The following AP2A2 variants were observed in gnomAD, a reference collection of about 807,000 sequenced individuals.
AP2A2 encodes the protein AP-2 complex subunit alpha-2.
A neutral mutation model predicts 104.2 loss-of-function variants in AP2A2; 32 were observed. That is an observed-to-expected ratio of 0.31 (90% confidence interval 0.23 to 0.41). The LOEUF (loss-of-function observed/expected upper bound fraction) is 0.41, where lower values mean the gene tolerates loss of function less well. Among genes scored for constraint, AP2A2 ranks in the 10% least tolerant of loss-of-function variants. AP2A2 has a pLI of 1.00. For missense variants in AP2A2, 912 were observed against 1,261.0 expected, an observed-to-expected ratio of 0.72 and a Z score of 4.19; for synonymous variants, 539 against 533.3, an observed-to-expected ratio of 1.01 and a Z score of -0.15.
chr11:965,706 G>T (rs992276104), intron 2 of AP2A2, among the ~76,000 whole-genome samples: 1 of 152,248 alleles, frequency 6.6e-6, no homozygotes, highest in African/African-American at 2.4e-5. Flanking sequence ...GCATGGGCAA[G>T]AAATCAGTGC....
chr11:964,772 A>G (rs956718966), intron 2 of AP2A2, among the ~76,000 whole-genome samples: 8 of 152,236 alleles, frequency 5.3e-5, no homozygotes, highest in Non-Finnish European at 1.2e-4. Flanking sequence ...GTTAAAGGAA[A>G]TGCCAAAGGA....
chr11:1,008,152 C>G lies in AP2A2; in HGVS notation c.2420+17C>G, dbSNP rs746878364. The G allele has an allele frequency of 2.5e-6, 4 of 1,584,232 alleles. No individual in the cohort carries two copies. The highest frequency in any genetic ancestry group is 1.7e-6 in the Non-Finnish European group (2 of 1,164,656). On this transcript the variant is annotated intron_variant, in intron 18 of 21. Coordinates refer to ENST00000448903, the MANE Select transcript of AP2A2 (RefSeq NM_012305.4). Reference sequence around the variant, plus strand: ...TCAGTTCAGGTAAGAGCCGCCTGTGCGCCCCGGGCCAAGGGGTGTGTGGGC... The same window carrying G: ...TCAGTTCAGGTAAGAGCCGCCTGTGGGCCCCGGGCCAAGGGGTGTGTGGGC...
At chr11:977,384 G>A (rs1032892933) in intron 5 of AP2A2, among the ~76,000 whole-genome samples, 160 bp downstream of exon 5, 1 of 151,918 alleles carries the variant, frequency 6.6e-6, no homozygotes, top group African/African-American at 2.4e-5. Flanking sequence ...TCCTGGGGCT[G>A]GATGAGTAAG....
chr11:958,581 T>C (rs1340284758), intron 1 of AP2A2, among the ~76,000 whole-genome samples: 1 of 152,178 alleles, frequency 6.6e-6, no homozygotes. Flanking sequence ...TATCAACAGA[T>C]AGACTGAATA....
intron 4 of AP2A2, among the ~76,000 whole-genome samples, chr11:974,899 C>T (rs539799997): frequency 1.8e-3 from 275 of 152,256 alleles, no homozygotes; most frequent in African/African-American, 6.3e-3. Flanking sequence ...GCAGGAGAAT[C>T]GCTTGAACCC....
chr11:933,246 C>T (rs770736816), intron 1 of AP2A2, among the ~76,000 whole-genome samples: 2 of 151,996 alleles, frequency 1.3e-5, no homozygotes, highest in African/African-American at 2.4e-5. Context: ...ATAGCCAGGG[C>T]GACAAAGTAA....
Position 992,442 on chromosome 11 carries a change from G to A in AP2A2, c.1270-61G>A. On this transcript the variant is annotated intron_variant, in intron 10 of 21. Transcript: ENST00000448903. The surrounding 1 kb of genome is among the most constrained non-coding windows in gnomAD (Gnocchi z 6.4). ...ACTCTCACTTTGACTTTGGACGACAGTTTGGTCTTGGGATTGCCATGGCCT... is the reference window on the plus strand; with the variant it reads ...ACTCTCACTTTGACTTTGGACGACAATTTGGTCTTGGGATTGCCATGGCCT... 1 of 1,521,918 alleles carries A rather than the reference G, an allele frequency of 6.6e-7. No homozygotes were observed. The highest frequency in any genetic ancestry group is 8.9e-7 in the Non-Finnish European group (1 of 1,120,768). The allele number at this position is 1,521,918 out of a possible 1,614,324, so 94.3% of individuals were successfully genotyped here. A position where few individuals can be genotyped will look rare whatever the true frequency, so the allele number is the denominator to read the frequency against.
chr11:983,859 C>T (rs1855355523), intron 6 of AP2A2, among the ~76,000 whole-genome samples: 1 of 152,186 alleles, frequency 6.6e-6, no homozygotes, highest in Non-Finnish European at 1.5e-5. Flanking sequence ...GTGATTCTTG[C>T]CTTTTCCTGC....
In AP2A2 at chr11:992,803, C is replaced by A; in HGVS notation, c.1452+118C>A. On this transcript the variant is annotated intron_variant, in intron 11 of 21. Transcript: ENST00000448903. This position sits in a 1 kb window ranked among gnomAD's most constrained non-coding sequence, Gnocchi z 6.4. ...GAGGGCCGTTGCTGACCCCTCTTGC[C>A]CCTCAGCTCTTCCCTGAGGCTCTAG... 1 of 1,067,584 alleles carries A rather than the reference C, an allele frequency of 9.4e-7. No individual in the cohort carries two copies. Among genetic ancestry groups the A allele is most frequent in the Admixed American group, 2.0e-5 (1 of 49,484 alleles). 66.1% of individuals were successfully genotyped at this position (1,067,584 alleles called of 1,614,324 possible). A position where few individuals can be genotyped will look rare whatever the true frequency, so the allele number is the denominator to read the frequency against.
intron 1 of AP2A2, among the ~76,000 whole-genome samples, chr11:952,861 G>A (rs1854098000): frequency 1.3e-5 from 2 of 152,152 alleles, no homozygotes; most frequent in South Asian, 2.1e-4. Flanking sequence ...TTCCCGGCAC[G>A]GTGGGGTGGT....
intron 1 of AP2A2, among the ~76,000 whole-genome samples, chr11:951,974 T>C (rs76600059): frequency 2.6e-5 from 1 of 38,056 alleles, no homozygotes; most frequent in Non-Finnish European, 7.1e-5. Flanking sequence ...CTCAGGTGAT[T>C]CCCCCCACCT....
chr11:993,670 TCGCCGC>T lies in AP2A2; in HGVS notation c.1551-81_1551-76del. ...GGCCTCTGGTGCAGGCCAGGGGGTC[TCGCCGC>T]CGTCCCCCCCCCGCGGGGGCGTGCT... On this transcript the variant is annotated intron_variant, in intron 12 of 21. Transcript: ENST00000448903. This position sits in a 1 kb window ranked among gnomAD's most constrained non-coding sequence, Gnocchi z 8.2. 9.2e-7 allele frequency: 1 copy of T among 1,084,520 alleles called. No homozygotes were observed. The highest frequency in any genetic ancestry group is 1.3e-6 in the Non-Finnish European group (1 of 753,838). The allele number at this position is 1,084,520 out of a possible 1,614,324, so 67.2% of individuals were successfully genotyped here. A position where few individuals can be genotyped will look rare whatever the true frequency, so the allele number is the denominator to read the frequency against.
chr11:974,092 C>T (rs974207389), intron 4 of AP2A2, among the ~76,000 whole-genome samples: 1 of 152,160 alleles, frequency 6.6e-6, no homozygotes, highest in African/African-American at 2.4e-5. Context: ...AGTGCATCTG[C>T]GGCTGGAAGG....
At chr11:958,090 C>T (rs781075210) in intron 1 of AP2A2, among the ~76,000 whole-genome samples, 54 of 152,234 alleles carry the variant, frequency 3.5e-4, no homozygotes, top group Non-Finnish European at 7.1e-4. Context: ...ACAGGGCTTT[C>T]AGGAGGCATT....
At chr11:978,219 G>T (rs4074231) in intron 5 of AP2A2, among the ~76,000 whole-genome samples, 2 of 151,938 alleles carry the variant, frequency 1.3e-5, no homozygotes, top group Non-Finnish European at 2.9e-5. Flanking sequence ...CATGGCAGCC[G>T]GTCACTGGGC....
chr11:988,901 G>A (rs1855553111), intron 10 of AP2A2: 4 of 629,038 alleles, frequency 6.4e-6, no homozygotes, highest in South Asian at 1.9e-5. Flanking sequence ...AGGTGGAGGC[G>A]GGAGGATCAC....
At chr11:973,733 G>A (rs1854914502) in intron 4 of AP2A2, among the ~76,000 whole-genome samples, 1 of 152,194 alleles carries the variant, frequency 6.6e-6, no homozygotes, top group Non-Finnish European at 1.5e-5. Context: ...CAGGTCCAGT[G>A]GATTCTGCCT....
At chr11:944,465 C>T (rs570490756) in intron 1 of AP2A2, among the ~76,000 whole-genome samples, 3 of 151,810 alleles carry the variant, frequency 2.0e-5, no homozygotes, top group East Asian at 3.9e-4. Context: ...GGACAGAGAT[C>T]AAAAAGAAAA....
chr11:926,825 G>C (rs1329308189), intron 1 of AP2A2, among the ~76,000 whole-genome samples: 1 of 152,152 alleles, frequency 6.6e-6, no homozygotes, highest in Non-Finnish European at 1.5e-5. Flanking sequence ...GTCCCCTCGG[G>C]GTGGGAAAAA....
Sources: allele counts gnomAD v4.1 joint callset (sites outside exome capture counted in the v4.1 genomes callset), GRCh38; gene constraint gnomAD v4.1.1; non-coding constraint Gnocchi (gnomAD v3.1); transcripts MANE v1.5; gene names NCBI Gene and HGNC (gene_info 2026-07-23, HGNC 2026-07-21).